The following DPAGT1 variants were observed in gnomAD, a reference collection of about 807,000 sequenced individuals.
The protein encoded by DPAGT1 is dolichyl-phosphate N-acetylglucosaminephosphotransferase 1.
Under a neutral mutation model 39.3 loss-of-function variants are expected in DPAGT1, and 25 were observed. That is an observed-to-expected ratio of 0.64 (90% CI 0.46 to 0.89). DPAGT1 has a LOEUF of 0.89. Ranked by LOEUF, DPAGT1 falls within the 40% of genes least tolerant of loss-of-function variation. The pLI, the probability that DPAGT1 is intolerant of heterozygous loss-of-function variation, is 0.00. For missense variants in DPAGT1, 381 were observed against 500.6 expected (o/e 0.76, Z 2.28); for synonymous variants, 193 against 201.4 (o/e 0.96, Z 0.36).
chr11:119,098,323 C>T, intron 5 of DPAGT1, 80 bp downstream of exon 5: 2 of 1,484,258 alleles, frequency 1.3e-6, no homozygotes, highest in South Asian at 1.1e-5. Context: ...TTTAGCTTCA[C>T]CACCACAAGG....
chr11:119,095,443 A>T, downstream of DPAGT1: 2 of 1,449,848 alleles, frequency 1.4e-6, no homozygotes, highest in Admixed American at 2.8e-5. Context: ...ACTAGAACAG[A>T]CGCCCGCCGC....
At position 119,100,851 on chromosome 11, in the gene DPAGT1, A is replaced by C. The variant is rs1592229312; in HGVS notation, c.283-8T>G. The C allele has an allele frequency of 6.2e-7, 1 of 1,614,138 alleles. No individual in the cohort carries two copies. The highest frequency in any genetic ancestry group is 2.2e-5 in the East Asian group (1 of 44,872). ...ACCTATCAGGGCCACAAACTGGGGG[A>C]GGCTCGGGCAGGTCCATGACTCAAG... On this transcript the variant is annotated splice_polypyrimidine_tract_variant and splice_region_variant and intron_variant, in intron 2 of 8. Transcript: ENST00000354202.
At position 119,097,418 on chromosome 11, in the gene DPAGT1, G is replaced by A. The variant is rs767497123; in HGVS notation, c.1005+46C>T. On this transcript the variant is annotated intron_variant, in intron 7 of 8. Transcript: ENST00000354202. The surrounding 1 kb of genome is among the most constrained non-coding windows in gnomAD (Gnocchi z 4.6). ...TAGGACTAGGTTCCCCATTCCTCAAGGTCAGGATGGCAGCCTAGGGCCTTA... is the reference window on the plus strand; with the variant it reads ...TAGGACTAGGTTCCCCATTCCTCAAAGTCAGGATGGCAGCCTAGGGCCTTA... 13 of 1,612,682 alleles carry A rather than the reference G, an allele frequency of 8.1e-6. No individual in the cohort carries two copies. In the South Asian group the frequency reaches 9.9e-5, roughly 12 times the overall value.
chr11:119,098,664 T>G (rs1297431505), intron 4 of DPAGT1, among the ~76,000 whole-genome samples, 177 bp from the exon 5 acceptor site: 1 of 152,228 alleles, frequency 6.6e-6, no homozygotes, highest in Admixed American at 6.5e-5. Context: ...TCCACCTCTT[T>G]CGTGCAGCCT....
At chr11:119,093,988 C>T (rs540482556), downstream of DPAGT1, 5 of 154,004 alleles carry the variant, frequency 3.2e-5, no homozygotes, top group African/African-American at 1.2e-4. Flanking sequence ...CCAACGGAGG[C>T]TCAGTCCAGA....
At position 119,101,822 on chromosome 11, in the gene DPAGT1, C is replaced by T. The variant is rs932346172; in HGVS notation, c.-167G>A. ...TCTGACTTGAGCCGCCGTCGGGACA[C>T]CGGGGAACCTCTCTAAGGCAACCTA... On this transcript the variant is annotated 5_prime_UTR_variant, in exon 1 of 9. In the 5' UTR this introduces an upstream ATG that the reference lacks. Transcript: ENST00000354202. The T allele has an allele frequency of 6.7e-7, 1 of 1,500,344 alleles. No homozygotes were observed. The highest frequency in any genetic ancestry group is 8.9e-7 in the Non-Finnish European group (1 of 1,126,508). The allele number at this position is 1,500,344 out of a possible 1,614,324, so 92.9% of individuals were successfully genotyped here. A position where few individuals can be genotyped will look rare whatever the true frequency, so the allele number is the denominator to read the frequency against.
At chr11:119,099,382 C>T (rs1459277429) in intron 4 of DPAGT1, among the ~76,000 whole-genome samples, 2 of 146,730 alleles carry the variant, frequency 1.4e-5, no homozygotes, top group Non-Finnish European at 3.0e-5. Flanking sequence ...CGAGATCGCA[C>T]CATTGTACTC....
chr11:119,101,308 ACCCAAGGGT>A lies in DPAGT1; in HGVS notation c.161+178_162-171del, dbSNP rs1200815683. The A allele has an allele frequency of 9.5e-6, 13 of 1,370,222 alleles. No individual in the cohort carries two copies. The East Asian group carries it at 2.8e-4, about 29-fold the overall frequency. The allele number at this position is 1,370,222 out of a possible 1,614,324, so 84.9% of individuals were successfully genotyped here. A position where few individuals can be genotyped will look rare whatever the true frequency, so the allele number is the denominator to read the frequency against. ...GCACCACTGCCAGAGTCCCAGATAT[ACCCAAGGGT>A]CCCTACCCATCCTTTCCCCAATGCG... On this transcript the variant is annotated intron_variant, in intron 1 of 8. Transcript: ENST00000354202.
At chr11:119,095,354 T>C, downstream of DPAGT1, 1 of 1,592,524 alleles carries the variant, frequency 6.3e-7, no homozygotes, top group Non-Finnish European at 8.5e-7. Context: ...CGACTTGGCC[T>C]TGGCGCGGGC....
chr11:119,097,780 G>C lies in DPAGT1; in HGVS notation c.917+75C>G. ...TCTTTGGGCCCACTCCCTTTGCACA[G>C]CAAATGTATAGGCTGGCATTAGATA... On this transcript the variant is annotated intron_variant, in intron 6 of 8. Coordinates refer to ENST00000354202, the MANE Select transcript of DPAGT1 (RefSeq NM_001382.4). The surrounding 1 kb of genome is among the most constrained non-coding windows in gnomAD (Gnocchi z 4.6). The C allele has an allele frequency of 1.3e-6, 2 of 1,597,070 alleles. No homozygotes were observed. Among genetic ancestry groups the C allele is most frequent in the Non-Finnish European group, 1.7e-6 (2 of 1,165,746 alleles).
At chr11:119,095,615 T>G, downstream of DPAGT1, 3 of 509,390 alleles carry the variant, frequency 5.9e-6, no homozygotes, top group East Asian at 3.2e-5. Flanking sequence ...CGCCCGCTGA[T>G]TGGTCGAATT....
intron 2 of DPAGT1, 74 bp downstream of exon 2, chr11:119,100,944 C>T: frequency 1.9e-6 from 3 of 1,614,016 alleles, no homozygotes; most frequent in Non-Finnish European, 2.5e-6. Context: ...TCCCCACAAG[C>T]CCAAATAACC....
At chr11:119,099,063 G>C (rs2134905306) in intron 4 of DPAGT1, among the ~76,000 whole-genome samples, 1 of 152,300 alleles carries the variant, frequency 6.6e-6, no homozygotes, top group African/African-American at 2.4e-5. Context: ...AGTAGCGTTT[G>C]TTTTGGGTAT....
chr11:119,096,431 C>T (rs1055922062), downstream of DPAGT1: 18 of 172,574 alleles, frequency 1.0e-4, no homozygotes, highest in Non-Finnish European at 2.0e-4. Context: ...AGATAGGCAT[C>T]CTGTTGGAGG....
At position 119,101,737 on chromosome 11, in the gene DPAGT1, G is replaced by A; in HGVS notation, c.-82C>T. On this transcript the variant is annotated 5_prime_UTR_variant, in exon 1 of 9. Transcript: ENST00000354202. The stretch of plus-strand genomic sequence containing the variant: ...AGCAGTCCTGAGGCCTCAGCAGTAT[G>A]GAGTGGCCGCTCCCCACAGGCAGGC... 1 of 1,605,458 alleles carries A rather than the reference G, an allele frequency of 6.2e-7. No individual in the cohort carries two copies. Among genetic ancestry groups the A allele is most frequent in the Non-Finnish European group, 8.5e-7 (1 of 1,176,474 alleles).
rs767870419 is a variant in DPAGT1, at chr11:119,097,939, A to G, written c.833T>C (p.Phe278Ser). ...GAAGTTGAACACCTGGGGCATGAAG[A>G]ATAGTAGCATGGTCTTGCTGAAGTG... ...LGHFSKTMLL[F>S]FMPQVFNFLY... is the part of the protein sequence containing the mutation. Residue 278 changes from phenylalanine (F) to serine (S), a missense_variant, in exon 6 of 9, where the codon TTC becomes TCC. Transcript: ENST00000354202. This position sits in a 1 kb window ranked among gnomAD's most constrained non-coding sequence, Gnocchi z 4.6. 4.3e-6 allele frequency: 7 copies of G among 1,614,220 alleles called. No individual in the cohort carries two copies. The highest frequency in any genetic ancestry group is 5.9e-6 in the Non-Finnish European group (7 of 1,180,044).
At chr11:119,095,440 C>G (rs28990979), downstream of DPAGT1, 3,518 of 1,455,294 alleles carry the variant, frequency 2.4e-3, 77 homozygotes, top group African/African-American at 0.045. Flanking sequence ...AACACTAGAA[C>G]AGACGCCCGC....
intron 1 of DPAGT1, 105 bp from the exon 2 acceptor site, chr11:119,101,243 T>C: frequency 1.3e-6 from 2 of 1,553,406 alleles, no homozygotes; most frequent in Non-Finnish European, 1.7e-6. Context: ...ATTCCCGGTT[T>C]TTTATTCTGG....
intron 5 of DPAGT1, 72 bp downstream of exon 5, chr11:119,098,331 A>G (rs1946436203): frequency 6.6e-7 from 1 of 1,503,784 alleles, no homozygotes; most frequent in Non-Finnish European, 9.3e-7. Flanking sequence ...CACCACCACA[A>G]GGTGGGTTAT....
Sources: allele counts gnomAD v4.1 joint callset (sites outside exome capture counted in the v4.1 genomes callset), GRCh38; gene constraint gnomAD v4.1.1; non-coding constraint Gnocchi (gnomAD v3.1); transcripts MANE v1.5; gene names NCBI Gene and HGNC (gene_info 2026-07-23, HGNC 2026-07-21).